VWA8: variants seen among roughly 807,000 people sequenced by gnomAD.
VWA8 encodes von Willebrand factor A domain containing 8.
In VWA8, 221 loss-of-function variants were observed where a neutral mutation model predicts 241.5. The observed-to-expected ratio is 0.91, with a 90% CI of 0.82 to 1.02. The LOEUF (loss-of-function observed/expected upper bound fraction) is 1.02. Among genes scored for constraint, VWA8 ranks in the 50% least tolerant of loss-of-function variants. The pLI, the probability that VWA8 is intolerant of heterozygous loss-of-function variation, is 0.00. For missense variants in VWA8, 2,322 were observed against 2,328.7 expected (o/e 1.00, Z 0.06); for synonymous variants, 852 against 827.1 (o/e 1.03, Z -0.52).
At chr13:41,699,676 T>G (rs2045237489) in intron 28 of VWA8, among the ~76,000 whole-genome samples, 1 of 152,238 alleles carries the variant, frequency 6.6e-6, no homozygotes, top group Non-Finnish European at 1.5e-5. Flanking sequence ...TCTGCTAATC[T>G]TGCATTTTCC....
chr13:41,714,381 C>T (rs893587795), intron 26 of VWA8, among the ~76,000 whole-genome samples: 4 of 151,874 alleles, frequency 2.6e-5, no homozygotes, highest in African/African-American at 9.7e-5. Context: ...GGGCAAAGAA[C>T]TTGGAGCAGA....
At chr13:41,611,470 G>A in intron 39 of VWA8, 106 bp downstream of exon 39, 1 of 1,429,786 alleles carries the variant, frequency 7.0e-7, no homozygotes, top group Non-Finnish European at 9.4e-7. Flanking sequence ...CCGAGTTGCT[G>A]CATGAGGTGG....
chr13:41,700,091 A>C (rs2045239916), intron 28 of VWA8, among the ~76,000 whole-genome samples: 1 of 152,140 alleles, frequency 6.6e-6, no homozygotes, highest in Non-Finnish European at 1.5e-5. Flanking sequence ...GGATTAAGCT[A>C]CTTTTGCATA....
chr13:41,701,673 G>A (rs2137827714), intron 27 of VWA8, 143 bp from the exon 28 acceptor site: 1 of 688,408 alleles, frequency 1.5e-6, no homozygotes, highest in Non-Finnish European at 2.2e-6. Flanking sequence ...GACAGGCTTA[G>A]TACTCATAAC....
intron 5 of VWA8, among the ~76,000 whole-genome samples, chr13:41,890,819 T>C (rs1874800727): frequency 6.6e-6 from 1 of 152,180 alleles, no homozygotes; most frequent in African/African-American, 2.4e-5. Context: ...CCCAAATGGA[T>C]GCACTGTTAA....
intron 14 of VWA8, among the ~76,000 whole-genome samples, chr13:41,825,930 T>G (rs926456951): frequency 6.6e-6 from 1 of 152,218 alleles, no homozygotes; most frequent in African/African-American, 2.4e-5. Context: ...AATAAAGTAA[T>G]TTCCTCATTC....
At position 41,784,859 on chromosome 13, in the gene VWA8, T is replaced by TG. The variant is rs138316509; in HGVS notation, c.2171-959dup. 1.4e-3 allele frequency among the ~76,000 whole-genome samples: 203 copies of TG among 149,870 alleles called. 3 individuals are homozygous for TG. In the East Asian group the frequency reaches 0.028, roughly 21 times the overall value. On this transcript the variant is annotated intron_variant, in intron 18 of 44. Coordinates refer to ENST00000379310, the MANE Select transcript of VWA8 (RefSeq NM_015058.2). ...CTATATTTTCAAATAATCACCCAGG[T>TG]GATTTTCATACCCAGCCAGATTGGG...
In VWA8 at chr13:41,836,978, C is replaced by T. The variant is rs189494390; in HGVS notation, c.1426-3447G>A. On this transcript the variant is annotated intron_variant, in intron 12 of 44. Coordinates refer to ENST00000379310, the MANE Select transcript of VWA8 (RefSeq NM_015058.2). ...AATTTTATCACCTAAACTCTGTATA[C>T]CATCATATTAGAAAGAGCCATTCTT... Among the ~76,000 whole-genome samples, 16 of 152,056 alleles carry T rather than the reference C, an allele frequency of 1.1e-4. No individual in the cohort carries two copies. The East Asian group carries it at 3.1e-3, about 29-fold the overall frequency.
chr13:41,764,458 T>C (rs2045764908), intron 20 of VWA8, among the ~76,000 whole-genome samples: 1 of 152,150 alleles, frequency 6.6e-6, no homozygotes, highest in Non-Finnish European at 1.5e-5. Context: ...CCTCTCACCA[T>C]ATTCACAGCT....
chr13:41,836,765 C>T (rs117504028), intron 12 of VWA8, among the ~76,000 whole-genome samples: 1,797 of 152,170 alleles, frequency 0.012, 25 homozygotes, highest in Admixed American at 0.025. Context: ...GTTGGAGACT[C>T]GCTTACATTT....
chr13:41,951,516 C>T (rs1329126347), intron 1 of VWA8, among the ~76,000 whole-genome samples: 1 of 152,176 alleles, frequency 6.6e-6, no homozygotes, highest in African/African-American at 2.4e-5. Context: ...TTTAATGTAA[C>T]CTTAATTTCC....
chr13:41,959,935 CTG>C (rs887055273), intron 1 of VWA8, among the ~76,000 whole-genome samples: 1 of 152,128 alleles, frequency 6.6e-6, no homozygotes. Flanking sequence ...GCAAGGAAAA[CTG>C]GGGGTTGCGG....
In VWA8 at chr13:41,883,476, T is replaced by TA; in HGVS notation, c.990_991insT (p.Met331TyrfsTer14). The TA allele has an allele frequency of 6.2e-7, 1 of 1,613,224 alleles. No homozygotes were observed. Among genetic ancestry groups the TA allele is most frequent in the South Asian group, 1.1e-5 (1 of 91,064 alleles). The stretch of plus-strand genomic sequence containing the variant: ...CACTGGATTGCATGTTTGATTGGCA[T>TA]CATAGGAAAGGAATCCTATGTAGGA... On this transcript the variant is annotated frameshift_variant, in exon 9 of 45. Transcript: ENST00000379310. LOFTEE classifies it high-confidence loss of function.
chr13:41,658,173 G>A (rs75136853), intron 37 of VWA8, among the ~76,000 whole-genome samples: 2,914 of 152,296 alleles, frequency 0.019, 55 homozygotes, highest in African/African-American at 0.051. Flanking sequence ...TTTCAGAAAC[G>A]TTTAGCTGGG....
rs746899659 is a variant in VWA8 at position 41,703,334 on chromosome 13, C to G, written c.3194G>C (p.Cys1065Ser). Residue 1065 changes from cysteine to serine, a missense_variant, in exon 27 of 45, where the codon TGT becomes TCT. Coordinates refer to ENST00000379310, the MANE Select transcript of VWA8 (RefSeq NM_015058.2). ...QARSGMQKLL[C>S]PVETHHIDIK... ...GTCTATATGATGAGTTTCCACTGGACACAAGAGTTTTTGCATCCCACTTCT... is the reference window on the plus strand; with the variant it reads ...GTCTATATGATGAGTTTCCACTGGAGACAAGAGTTTTTGCATCCCACTTCT... The G allele has an allele frequency of 6.2e-7, 1 of 1,613,988 alleles. No individual in the cohort carries two copies. Among genetic ancestry groups the G allele is most frequent in the East Asian group, 2.2e-5 (1 of 44,850 alleles).
intron 36 of VWA8, 22 bp from the exon 37 acceptor site, chr13:41,671,169 A>T (rs1426004116): frequency 1.2e-6 from 2 of 1,612,648 alleles, no homozygotes; most frequent in South Asian, 2.2e-5. Flanking sequence ...AATCCAAGTG[A>T]AGCTAAGAGA....
At chr13:41,732,511 A>G (rs897756701) in intron 21 of VWA8, among the ~76,000 whole-genome samples, 2 of 150,398 alleles carry the variant, frequency 1.3e-5, no homozygotes, top group Admixed American at 6.6e-5. Flanking sequence ...TGTATTATAT[A>G]ATATTTATGT....
rs1474670141 is a variant in VWA8 at position 41,960,894 on chromosome 13, G to A, written c.122C>T (p.Pro41Leu). The change falls in exon 1 of 45, where the codon CCG (proline) becomes CTG (leucine). Residue 41 changes from proline (P) to leucine (L), a missense_variant. Transcript: ENST00000379310. The part of the protein sequence containing the change: ...QRRPGGDRQR[P>L]EVRLLHAGSG... ...GCCGGCGTGCAACAGTCTGACCTCC[G>A]GCCGCTGCCTGTCGCCACCCGGCCT... 2 of 1,513,868 alleles carry A rather than the reference G, an allele frequency of 1.3e-6. No individual in the cohort carries two copies. Among genetic ancestry groups the A allele is most frequent in the South Asian group, 1.2e-5 (1 of 82,882 alleles). 93.8% of individuals were successfully genotyped at this position (1,513,868 alleles called of 1,614,324 possible).
rs1400765211 is a variant in VWA8, at chr13:41,587,554, A to G, written c.5229T>C (p.Cys1743=). The G allele has an allele frequency of 6.2e-6, 10 of 1,614,054 alleles. No individual in the cohort carries two copies. The East Asian group carries it at 2.2e-4, about 36-fold the overall frequency. ...AGTTCTCGAAGGCTTCCATGACCAT[A>G]CACACAGCCTCCATTGTGCGCTCAA... ...GRLERTMEAV[C]MVMEAFENYE... is the part of the protein sequence containing the mutation. Residue 1743 remains cysteine (C), a synonymous_variant, in exon 42 of 45, where the codon TGT becomes TGC. Coordinates refer to ENST00000379310, the MANE Select transcript of VWA8 (RefSeq NM_015058.2).
Sources: gnomAD v4.1 joint callset for allele counts (sites outside exome capture counted in the v4.1 genomes callset) on GRCh38, gnomAD v4.1.1 for gene constraint, MANE v1.5 for transcripts, NCBI Gene and HGNC (gene_info 2026-07-23, HGNC 2026-07-21) for gene names.